The following SLC2A12 variants were observed in gnomAD, a reference collection of about 807,000 sequenced individuals.
SLC2A12 encodes the protein solute carrier family 2 member 12.
A neutral mutation model predicts 41.8 loss-of-function variants in SLC2A12; 23 were observed. The observed-to-expected ratio is 0.55, with a 90% CI of 0.40 to 0.78. The LOEUF is 0.78. Ranked by LOEUF, SLC2A12 falls within the 30% of genes least tolerant of loss-of-function variation. The pLI, the probability that SLC2A12 is intolerant of heterozygous loss-of-function variation, is 0.00. For synonymous variants in SLC2A12, 295 were observed against 285.9 expected, an observed-to-expected ratio of 1.03 and a Z score of -0.32; for missense variants, 654 against 745.6, an observed-to-expected ratio of 0.88 and a Z score of 1.43.
intron 1 of SLC2A12, among the ~76,000 whole-genome samples, chr6:134,042,672 A>G (rs952002521): frequency 4.6e-5 from 7 of 152,106 alleles, no homozygotes; most frequent in Admixed American, 3.3e-4. Context: ...GTTGATTTAT[A>G]AGAAACTCCT....
At chr6:134,016,546 G>T (rs375056367) in intron 2 of SLC2A12, among the ~76,000 whole-genome samples, 5 of 151,896 alleles carry the variant, frequency 3.3e-5, no homozygotes, top group African/African-American at 4.9e-5. Context: ...GGAATCTTGT[G>T]TTTTTTGTCA....
chr6:134,038,353 C>CTTTTTTTTTTTTTTT (rs10584884), intron 1 of SLC2A12, among the ~76,000 whole-genome samples: 1 of 97,518 alleles, frequency 1.0e-5, no homozygotes, highest in Non-Finnish European at 2.0e-5. Flanking sequence ...TTCTTTCTGC[C>CTTTTTTTTTTTTTTT]TTTTTTTTTT....
chr6:134,011,784 G>A (rs1776887678), intron 2 of SLC2A12, among the ~76,000 whole-genome samples: 1 of 151,990 alleles, frequency 6.6e-6, no homozygotes, highest in Admixed American at 6.6e-5. Context: ...GCTCATTCCT[G>A]TAATTCCAGC....
chr6:134,048,256 C>A (rs765525286), intron 1 of SLC2A12, among the ~76,000 whole-genome samples: 1 of 152,100 alleles, frequency 6.6e-6, no homozygotes, highest in Non-Finnish European at 1.5e-5. Flanking sequence ...GTCTCATGAC[C>A]ACACAGAAGA....
chr6:134,009,721 C>T (rs960954613), intron 2 of SLC2A12, among the ~76,000 whole-genome samples: 13 of 150,568 alleles, frequency 8.6e-5, no homozygotes, highest in African/African-American at 2.5e-4. Context: ...GGCACATGCC[C>T]GTAGTCCCAA....
intron 1 of SLC2A12, among the ~76,000 whole-genome samples, chr6:134,029,968 T>C (rs1027275980): frequency 1.9e-4 from 29 of 152,210 alleles, no homozygotes; most frequent in African/African-American, 6.5e-4. Context: ...CTATTTATGA[T>C]GTTGATGTTT....
At position 133,989,220 on chromosome 6, in the gene SLC2A12, A is replaced by G. The variant is rs1776584461; in HGVS notation, c.*1935T>C. The G allele has an allele frequency of 6.6e-6, 1 of 152,158 alleles. No individual in the cohort carries two copies. The highest frequency in any genetic ancestry group is 2.4e-5 in the African/African-American group (1 of 41,438). The allele number at this position is 152,158 out of a possible 1,614,324, so 9.4% of individuals were successfully genotyped here. A position where few individuals can be genotyped will look rare whatever the true frequency, so the allele number is the denominator to read the frequency against. ...TTTTATAAATAAAAACTGTGAATAT[A>G]TATGTACAAGTTGTAAGTATTTCCC... On this transcript the variant is annotated 3_prime_UTR_variant, in exon 5 of 5. Coordinates refer to ENST00000275230, the MANE Select transcript of SLC2A12 (RefSeq NM_145176.3).
chr6:134,052,277 A>G, intron 1 of SLC2A12, 101 bp downstream of exon 1: 1 of 910,112 alleles, frequency 1.1e-6, no homozygotes. Context: ...ACACACACAC[A>G]CACACACACA....
At chr6:134,046,795 T>G (rs1777461161) in intron 1 of SLC2A12, among the ~76,000 whole-genome samples, 1 of 152,142 alleles carries the variant, frequency 6.6e-6, no homozygotes, top group Non-Finnish European at 1.5e-5. Context: ...AGAGCAAAAC[T>G]CTGTCTTACA....
chr6:134,028,267 T>C, intron 2 of SLC2A12, 114 bp downstream of exon 2: 1 of 1,348,454 alleles, frequency 7.4e-7, no homozygotes, highest in East Asian at 2.3e-5. Flanking sequence ...AGAAGGAACA[T>C]CAGATGACCA....
At chr6:134,021,154 G>A (rs1777035598) in intron 2 of SLC2A12, among the ~76,000 whole-genome samples, 1 of 151,870 alleles carries the variant, frequency 6.6e-6, no homozygotes, top group South Asian at 2.1e-4. Context: ...GATGGTGTCT[G>A]GCAGGAACAG....
rs10689126 is a variant in SLC2A12, at chr6:134,022,533, A to AAAAAGAAAAGAAAAG, written c.1444+5833_1444+5847dup. 3.7e-4 allele frequency among the ~76,000 whole-genome samples: 53 copies of AAAAAGAAAAGAAAAG among 142,228 alleles called. No homozygotes were observed. The East Asian group carries it at 5.2e-3, about 14-fold the overall frequency. The allele number at this position is 142,228 out of a possible 152,430, so 93.3% of individuals were successfully genotyped here. A position where few individuals can be genotyped will look rare whatever the true frequency, so the allele number is the denominator to read the frequency against. The stretch of plus-strand genomic sequence containing the variant: ...GTGACAAGAGTGAAACTCCATCTCA[A>AAAAAGAAAAGAAAAG]AAAAGAAAAGAAAAGAAAAGAAAAG... On this transcript the variant is annotated intron_variant, in intron 2 of 4. Transcript: ENST00000275230.
chr6:134,023,788 A>C (rs1346890286), intron 2 of SLC2A12, among the ~76,000 whole-genome samples: 1 of 152,196 alleles, frequency 6.6e-6, no homozygotes, highest in Non-Finnish European at 1.5e-5. Flanking sequence ...TATCACAGCA[A>C]TGGACTGAAT....
chr6:134,019,084 C>G (rs924048446), intron 2 of SLC2A12, among the ~76,000 whole-genome samples: 7 of 152,064 alleles, frequency 4.6e-5, no homozygotes, highest in African/African-American at 1.7e-4. Flanking sequence ...TCGTATGTGA[C>G]CTTGGGAAAC....
At chr6:134,007,436 G>A (rs528721373) in intron 2 of SLC2A12, among the ~76,000 whole-genome samples, 5 of 152,352 alleles carry the variant, frequency 3.3e-5, no homozygotes, top group South Asian at 2.1e-4. Flanking sequence ...TGAGGAAGCC[G>A]GCTACTCTCC....
In SLC2A12 at chr6:133,989,846, G is replaced by A. The variant is rs1437886863; in HGVS notation, c.*1309C>T. On this transcript the variant is annotated 3_prime_UTR_variant, in exon 5 of 5. Transcript: ENST00000275230. ...AAATAAAAAGGAGCTTTGGCTCTTA[G>A]GATTCTCTTTTCTTCAGGTTAATCA... 6.6e-6 allele frequency: 1 copy of A among 152,136 alleles called. No individual in the cohort carries two copies. Among genetic ancestry groups the A allele is most frequent in the Non-Finnish European group, 1.5e-5 (1 of 68,012 alleles). The allele number at this position is 152,136 out of a possible 1,614,324, so 9.4% of individuals were successfully genotyped here.
At chr6:134,028,236 G>T in intron 2 of SLC2A12, 145 bp downstream of exon 2, 1 of 1,101,496 alleles carries the variant, frequency 9.1e-7, no homozygotes, top group Non-Finnish European at 1.3e-6. Context: ...GCAGATATAA[G>T]CCAAGCATAC....
intron 2 of SLC2A12, among the ~76,000 whole-genome samples, chr6:134,025,052 A>G (rs1777096073): frequency 6.6e-6 from 1 of 152,232 alleles, no homozygotes; most frequent in Admixed American, 6.5e-5. Flanking sequence ...ATGTTCACTT[A>G]CTTAGCAGAG....
At chr6:133,994,979 T>C (rs139222824) in intron 4 of SLC2A12, among the ~76,000 whole-genome samples, 173 of 152,220 alleles carry the variant, frequency 1.1e-3, no homozygotes, top group Non-Finnish European at 1.9e-3. Flanking sequence ...GGAGTGAGAA[T>C]TGACCACAGA....
Sources: allele counts gnomAD v4.1 joint callset (sites outside exome capture counted in the v4.1 genomes callset), GRCh38; gene constraint gnomAD v4.1.1; transcripts MANE v1.5; gene names NCBI Gene and HGNC (gene_info 2026-07-23, HGNC 2026-07-21).